The following DNTT variants were observed in gnomAD, a reference collection of about 807,000 sequenced individuals.
DNTT encodes DNA nucleotidylexotransferase.
In DNTT, 47 loss-of-function variants were observed where a neutral mutation model predicts 60.9. The observed-to-expected ratio is 0.77, with a 90% CI of 0.61 to 0.98. DNTT has a LOEUF of 0.98. Among genes scored for constraint, DNTT ranks in the 50% least tolerant of loss-of-function variants. The pLI is 0.00. For synonymous variants in DNTT, 224 were observed against 221.2 expected, an observed-to-expected ratio of 1.01 and a Z score of -0.11; for missense variants, 665 against 627.5, an observed-to-expected ratio of 1.06 and a Z score of -0.64.
Position 96,327,490 on chromosome 10 carries a change from T to C in DNTT, c.897T>C (p.Leu299=), listed in dbSNP as rs1193676689. ...CAGGATTTCTGTATTATGAAGACCT[T>C]GTCAGCTGTGTGACCAGGGCAGAAG... is the stretch of plus-strand genomic sequence containing the variant. ...QKAGFLYYED[L]VSCVTRAEAE... Residue 299 remains leucine (L), a synonymous_variant, in exon 7 of 11, where the codon CTT becomes CTC. Coordinates refer to ENST00000371174, the MANE Select transcript of DNTT (RefSeq NM_004088.4). The C allele has an allele frequency of 1.9e-6, 3 of 1,614,030 alleles. No homozygotes were observed. The highest frequency in any genetic ancestry group is 3.3e-5 in the Admixed American group (2 of 60,004).
In DNTT at chr10:96,304,720, G is replaced by A; in HGVS notation, c.203+20G>A. On this transcript the variant is annotated intron_variant, in intron 1 of 10. Transcript: ENST00000371174. ...GCTCAGGTAGGACAGCATCGATCTT[G>A]CTTTGTAAATAAGCAGAGGCTTTGT... 2.5e-6 allele frequency: 4 copies of A among 1,609,132 alleles called. No homozygotes were observed. The highest frequency in any genetic ancestry group is 3.4e-6 in the Non-Finnish European group (4 of 1,177,174).
chr10:96,332,579 G>C lies in DNTT; in HGVS notation c.1342G>C (p.Gly448Arg), dbSNP rs771517553. 3 of 1,613,322 alleles carry C rather than the reference G, an allele frequency of 1.9e-6. No individual in the cohort carries two copies. The highest frequency in any genetic ancestry group is 2.5e-6 in the Non-Finnish European group (3 of 1,179,722). ...CGAGCGTCGTGCCTTTGCCCTGTTG[G>C]GATGGACTGGCTCCCGGGTAAGTGC... Reference protein sequence around the residue: ...PYERRAFALLGWTGSRQFERD... With the variant: ...PYERRAFALLRWTGSRQFERD... Residue 448 changes from glycine (G) to arginine (R), a missense_variant, in exon 9 of 11, where the codon GGA becomes CGA. Gly to Arg is a moderately radical substitution (Grantham distance 125, BLOSUM62 -2). Transcript: ENST00000371174.
intron 1 of DNTT, among the ~76,000 whole-genome samples, chr10:96,307,756 T>C (rs1157312390): frequency 7.4e-6 from 1 of 134,354 alleles, no homozygotes. Flanking sequence ...TGTGTGTGTG[T>C]GCATATATAT....
intron 3 of DNTT, among the ~76,000 whole-genome samples, chr10:96,319,656 G>A (rs534388057): frequency 6.6e-6 from 1 of 152,196 alleles, no homozygotes; most frequent in South Asian, 2.1e-4. Flanking sequence ...GTCATTAATG[G>A]GCGCAACACT....
At position 96,304,658 on chromosome 10, in the gene DNTT, A is replaced by AGCTG. The variant is rs1161940540; in HGVS notation, c.164_167dup (p.Arg57GlyfsTer9). 1 of 1,614,120 alleles carries AGCTG rather than the reference A, an allele frequency of 6.2e-7. No homozygotes were observed. The highest frequency in any genetic ancestry group is 1.7e-5 in the Admixed American group (1 of 60,024). On this transcript the variant is annotated frameshift_variant, in exon 1 of 11. Coordinates refer to ENST00000371174, the MANE Select transcript of DNTT (RefSeq NM_004088.4). LOFTEE classifies it high-confidence loss of function. ...ACCACCCGCAGAGCGTTCCTCATGG[A>AGCTG]GCTGGCCCGCAGGAAAGGGTTCAGG...
chr10:96,327,634 C>A, intron 7 of DNTT, 34 bp downstream of exon 7: 2 of 1,592,108 alleles, frequency 1.3e-6, no homozygotes, highest in South Asian at 2.3e-5. Flanking sequence ...CTCCTCTGCC[C>A]GAATACTTCA....
At chr10:96,307,705 GTA>G (rs1203030676) in intron 1 of DNTT, among the ~76,000 whole-genome samples, 11 of 52,882 alleles carry the variant, frequency 2.1e-4, no homozygotes, top group African/African-American at 6.6e-4. Flanking sequence ...GTGTGTGTGT[GTA>G]TATATATATA....
At position 96,335,959 on chromosome 10, in the gene DNTT, A is replaced by C; in HGVS notation, c.1428A>C (p.Leu476Phe). 6.2e-7 allele frequency: 1 copy of C among 1,614,218 alleles called. No individual in the cohort carries two copies. The highest frequency in any genetic ancestry group is 1.1e-5 in the South Asian group (1 of 91,088). Reference sequence around the variant, plus strand: ...AGATGATTCTGGATAACCATGCTTTATATGACAAGACCAAGGTACAGTTCT... The same window carrying C: ...AGATGATTCTGGATAACCATGCTTTCTATGACAAGACCAAGGTACAGTTCT... The part of the protein sequence containing the change: ...ERKMILDNHA[L>F]YDKTKRIFLK... Residue 476 changes from leucine to phenylalanine, a missense_variant, in exon 10 of 11, where the codon TTA becomes TTC. Leu to Phe is a conservative substitution (Grantham distance 22, BLOSUM62 0). Coordinates refer to ENST00000371174, the MANE Select transcript of DNTT (RefSeq NM_004088.4).
intron 4 of DNTT, among the ~76,000 whole-genome samples, chr10:96,322,427 G>A (rs1167423385): frequency 1.3e-5 from 2 of 152,110 alleles, no homozygotes; most frequent in Non-Finnish European, 2.9e-5. Context: ...CTAACCATTT[G>A]TATCTTTGTT....
Position 96,324,115 on chromosome 10 carries a change from C to A in DNTT, c.751-151C>A. 5.9e-6 allele frequency: 6 copies of A among 1,012,614 alleles called. No homozygotes were observed. In the South Asian group the frequency reaches 8.4e-5, roughly 14 times the overall value. 62.7% of individuals were successfully genotyped at this position (1,012,614 alleles called of 1,614,324 possible). A position where few individuals can be genotyped will look rare whatever the true frequency, so the allele number is the denominator to read the frequency against. On this transcript the variant is annotated intron_variant, in intron 5 of 10. Transcript: ENST00000371174. ...AATAAAAAATGCCCTTAAAAATAAC[C>A]ATCACCCACCTGCTCGTTATATTCA...
At position 96,332,410 on chromosome 10, in the gene DNTT, CA is replaced by C; in HGVS notation, c.1174del (p.Arg392GlyfsTer14). 6.2e-7 allele frequency: 1 copy of C among 1,614,158 alleles called. No homozygotes were observed. Among genetic ancestry groups the C allele is most frequent in the Non-Finnish European group, 8.5e-7 (1 of 1,180,026 alleles). On this transcript the variant is annotated frameshift_variant, in exon 9 of 11. Coordinates refer to ENST00000371174, the MANE Select transcript of DNTT (RefSeq NM_004088.4). LOFTEE classifies it high-confidence loss of function. ...CATTTGAAAAGCTCAGGTTGCCTAG[CA>C]GGAAGGTTGATGCTTTGGATCATTT... ...STFEKLRLPSRKVDALDHFQK... is the reference protein window; with the variant it reads ...STFEKLRLPSXKVDALDHFQK...
intron 9 of DNTT, among the ~76,000 whole-genome samples, 196 bp downstream of exon 9, chr10:96,332,792 C>T (rs1321204961): frequency 1.3e-4 from 20 of 152,186 alleles, no homozygotes; most frequent in Admixed American, 1.3e-3. Context: ...CAGTTATTCC[C>T]AGTGTGTGGT....
chr10:96,315,515 G>A (rs889784248), intron 1 of DNTT, among the ~76,000 whole-genome samples: 2 of 152,058 alleles, frequency 1.3e-5, no homozygotes, highest in Non-Finnish European at 2.9e-5. Context: ...CGTACAGCCT[G>A]TCATCCACAA....
intron 8 of DNTT, among the ~76,000 whole-genome samples, chr10:96,331,727 C>T (rs545462325): frequency 1.3e-5 from 2 of 152,186 alleles, no homozygotes; most frequent in Non-Finnish European, 2.9e-5. Context: ...CAAACTATAG[C>T]AGACACTAAC....
chr10:96,323,870 A>G (rs1184733800), intron 5 of DNTT, among the ~76,000 whole-genome samples: 2 of 152,194 alleles, frequency 1.3e-5, no homozygotes, highest in Admixed American at 1.3e-4. Context: ...TATAACCTAC[A>G]TGAGCATCTC....
intron 5 of DNTT, 37 bp from the exon 6 acceptor site, chr10:96,324,229 C>T (rs1185303166): frequency 1.2e-5 from 19 of 1,601,570 alleles, no homozygotes; most frequent in Non-Finnish European, 1.5e-5. Flanking sequence ...TAATGATTAT[C>T]TTAGAGACTG....
chr10:96,338,323 G>C lies in DNTT; in HGVS notation c.*99G>C. On this transcript the variant is annotated 3_prime_UTR_variant, in exon 11 of 11. Transcript: ENST00000371174. ...CATAGGAGAGTTTGGGGTTATTTAGGTCTTATTGAAATGCAGATTGCTACT... is the reference window on the plus strand; with the variant it reads ...CATAGGAGAGTTTGGGGTTATTTAGCTCTTATTGAAATGCAGATTGCTACT... The C allele has an allele frequency of 9.0e-7, 1 of 1,117,138 alleles. No individual in the cohort carries two copies. The highest frequency in any genetic ancestry group is 1.3e-6 in the Non-Finnish European group (1 of 788,344). 69.2% of individuals were successfully genotyped at this position (1,117,138 alleles called of 1,614,324 possible). A position where few individuals can be genotyped will look rare whatever the true frequency, so the allele number is the denominator to read the frequency against.
At chr10:96,332,732 C>T (rs963460722) in intron 9 of DNTT, 136 bp downstream of exon 9, 12 of 1,310,986 alleles carry the variant, frequency 9.2e-6, no homozygotes, top group Admixed American at 2.3e-5. Flanking sequence ...AAACCTCTAA[C>T]TCAAGGCATC....
intron 1 of DNTT, among the ~76,000 whole-genome samples, chr10:96,318,144 C>T (rs560343266): frequency 6.6e-6 from 1 of 152,302 alleles, no homozygotes; most frequent in South Asian, 2.1e-4. Context: ...ATTGTTCGTG[C>T]ATCTGACATG....
Sources: gnomAD v4.1 joint callset for allele counts (sites outside exome capture counted in the v4.1 genomes callset) on GRCh38, gnomAD v4.1.1 for gene constraint, MANE v1.5 for transcripts, NCBI Gene and HGNC (gene_info 2026-07-23, HGNC 2026-07-21) for gene names.